Variants in KLRB1 observed in about 807,000 individuals in gnomAD.
The protein encoded by KLRB1 is killer cell lectin-like receptor subfamily B member 1.
KLRB1 carries 27 observed loss-of-function variants against 33.5 expected under a neutral mutation model. The observed-to-expected ratio is 0.81, with a 90% CI of 0.59 to 1.11. KLRB1 has a LOEUF of 1.11. Ranked by LOEUF, KLRB1 falls within the 50% of genes most tolerant of loss-of-function variation. The pLI, the probability that KLRB1 is intolerant of heterozygous loss-of-function variation, is 0.00. For synonymous variants in KLRB1, 64 were observed against 88.9 expected (o/e 0.72, Z 1.58); for missense variants, 241 against 254.1 (o/e 0.95, Z 0.35).
rs1324404187 is a variant in KLRB1, at chr12:9,594,737, G to C, written c.*537C>G. On this transcript the variant is annotated 3_prime_UTR_variant, in exon 6 of 6. Coordinates refer to ENST00000229402, the MANE Select transcript of KLRB1 (RefSeq NM_002258.3). The stretch of plus-strand genomic sequence containing the variant: ...TAGGGGCAATAAATTTTCTAGAGGA[G>C]TCACTAGGAGATATATTGGTTGCGG... The C allele has an allele frequency of 1.3e-5, 2 of 151,216 alleles. No individual in the cohort carries two copies. Among genetic ancestry groups the C allele is most frequent in the East Asian group, 3.9e-4 (2 of 5,192 alleles). The allele number at this position is 151,216 out of a possible 1,614,324, so 9.4% of individuals were successfully genotyped here. A position where few individuals can be genotyped will look rare whatever the true frequency, so the allele number is the denominator to read the frequency against.
intron 3 of KLRB1, among the ~76,000 whole-genome samples, chr12:9,598,908 C>A (rs780273994): frequency 1.3e-5 from 2 of 152,240 alleles, no homozygotes; most frequent in South Asian, 4.1e-4. Flanking sequence ...AAAACACCAT[C>A]AGAATAATTT....
At chr12:9,607,335 C>CCTTCCTTCCTTTCTTTCTTT (rs1864621978) in intron 1 of KLRB1, among the ~76,000 whole-genome samples, 3 of 65,170 alleles carry the variant, frequency 4.6e-5, no homozygotes, top group East Asian at 6.3e-4. Flanking sequence ...CTCTTTCTTT[C>CCTTCCTTCCTTTCTTTCTTT]CTTTCTTTCT....
Position 9,598,648 on chromosome 12 carries a change from G to T in KLRB1, c.265C>A (p.Pro89Thr), listed in dbSNP as rs767444532. ...TATATTGGGCAGTTTAAGAGACCCGGTCTCTCTAAAGTAAAAAACAGAAAT... is the reference window on the plus strand; with the variant it reads ...TATATTGGGCAGTTTAAGAGACCCGTTCTCTCTAAAGTAAAAAACAGAAAT... ...QQSRNKTTER[P>T]GLLNCPIYWQ... Residue 89 changes from proline (P) to threonine (T), a missense_variant, in exon 4 of 6, where the codon CCG becomes ACG. Pro to Thr is a conservative substitution (Grantham distance 38). Transcript: ENST00000229402. The T allele has an allele frequency of 1.9e-6, 3 of 1,607,186 alleles. No homozygotes were observed. The highest frequency in any genetic ancestry group is 2.5e-6 in the Non-Finnish European group (3 of 1,176,836).
At chr12:9,606,663 TAA>T (rs1414131200) in intron 1 of KLRB1, among the ~76,000 whole-genome samples, 1 of 93,614 alleles carries the variant, frequency 1.1e-5, no homozygotes, top group African/African-American at 7.0e-5. Context: ...TATATATATA[TAA>T]AATATATAAA....
At position 9,599,171 on chromosome 12, in the gene KLRB1, A is replaced by G. The variant is rs1020831481; in HGVS notation, c.260-518T>C. ...GAGAAAAAATTATAAGAAAATTTCC[A>G]ATTGCTAAACGATGTATTTACCTAC... On this transcript the variant is annotated intron_variant, in intron 3 of 5. Transcript: ENST00000229402. Among the ~76,000 whole-genome samples the G allele has an allele frequency of 1.2e-4, 19 of 152,228 alleles. 1 individual carries two copies. The highest frequency in any genetic ancestry group is 4.6e-4 in the African/African-American group (19 of 41,468).
rs1366564460 is a variant in KLRB1 at position 9,595,380 on chromosome 12, GA to G, written c.571del (p.Ser191ProfsTer24). 1 of 1,613,028 alleles carries G rather than the reference GA, an allele frequency of 6.2e-7. No individual in the cohort carries two copies. The highest frequency in any genetic ancestry group is 1.7e-5 in the Admixed American group (1 of 59,980). ...AGAATACACAGATGTCTGTGAGATG[GA>G]AATACAGCTGTTTTCTTTAGCATCA... ...RGDAKENSCISISQTSVYSEY... is the reference protein window; with the variant it reads ...RGDAKENSCIXISQTSVYSEY... On this transcript the variant is annotated frameshift_variant, in exon 6 of 6. Coordinates refer to ENST00000229402, the MANE Select transcript of KLRB1 (RefSeq NM_002258.3). LOFTEE classifies it high-confidence loss of function.
At chr12:9,607,343 T>TTC (rs1565444564) in intron 1 of KLRB1, among the ~76,000 whole-genome samples, 7 of 68,064 alleles carry the variant, frequency 1.0e-4, no homozygotes, top group South Asian at 6.4e-4. Context: ...TTCCTTTCTT[T>TTC]CTTTCTTTCT....
intron 1 of KLRB1, among the ~76,000 whole-genome samples, chr12:9,603,862 A>C (rs1260453923): frequency 6.6e-6 from 1 of 152,224 alleles, no homozygotes; most frequent in African/African-American, 2.4e-5. Context: ...TTCAACCTTC[A>C]TAACCCACAG....
chr12:9,607,813 C>T lies in KLRB1; in HGVS notation c.27G>A (p.Glu9=), dbSNP rs1864641523. The change falls in exon 1 of 6, where the codon GAG becomes GAA. Residue 9 remains glutamate, a synonymous_variant. Transcript: ENST00000229402. MDQQAIYA[E]LNLPTDSGPE... ...GGCCTGAGTCTGTGGGTAAGTTTAA[C>T]TCAGCATATATTGCTTGTTGGTCCA... 3.1e-6 allele frequency: 5 copies of T among 1,613,644 alleles called. No individual in the cohort carries two copies. The highest frequency in any genetic ancestry group is 4.2e-6 in the Non-Finnish European group (5 of 1,179,646).
exon 1 of KLRB1, chr12:9,607,915 GGA>G (rs1864643512): frequency 9.9e-7 from 1 of 1,009,790 alleles, no homozygotes; most frequent in South Asian, 1.3e-5. Flanking sequence ...ATCAGCAAAA[GGA>G]AGCTTTCTGC....
In KLRB1 at chr12:9,598,566, T is replaced by C. The variant is rs1259650006; in HGVS notation, c.347A>G (p.Asn116Ser). Residue 116 changes from asparagine to serine, a missense_variant, in exon 4 of 6, where the codon AAT becomes AGT. Transcript: ENST00000229402. Reference sequence around the variant, plus strand: ...GGTGGAACAATCAGCTAGACTGTTATTCCAAGGGTTGACAGTGTGAGAAAA... The same window carrying C: ...GGTGGAACAATCAGCTAGACTGTTACTCCAAGGGTTGACAGTGTGAGAAAA... ...LLFSHTVNPW[N>S]NSLADCSTKE... is the part of the protein sequence containing the mutation. 3 of 1,613,158 alleles carry C rather than the reference T, an allele frequency of 1.9e-6. No individual in the cohort carries two copies. The highest frequency in any genetic ancestry group is 1.7e-5 in the Admixed American group (1 of 60,000).
intron 1 of KLRB1, chr12:9,606,540 A>G (rs1426474374): frequency 6.6e-6 from 1 of 151,518 alleles, no homozygotes; most frequent in Non-Finnish European, 1.5e-5. Context: ...ACTAGAAACT[A>G]TCAGGTAGTA....
intron 3 of KLRB1, 84 bp downstream of exon 3, chr12:9,599,683 T>C: frequency 1.2e-6 from 1 of 847,858 alleles, no homozygotes; most frequent in Non-Finnish European, 2.0e-6. Context: ...AACATATGGA[T>C]TGTTATGAAT....
At chr12:9,600,181 C>T (rs1241136344) in intron 2 of KLRB1, among the ~76,000 whole-genome samples, 2 of 152,056 alleles carry the variant, frequency 1.3e-5, no homozygotes, top group African/African-American at 4.8e-5. Context: ...GTGCCTGTTC[C>T]AAGGGAGAGA....
At chr12:9,606,225 A>T (rs1473871959) in intron 1 of KLRB1, 2 of 152,226 alleles carry the variant, frequency 1.3e-5, no homozygotes, top group Non-Finnish European at 2.9e-5. Flanking sequence ...TGAATATCAG[A>T]TTGGTAAACA....
chr12:9,603,404 A>G (rs1864564986), intron 1 of KLRB1, among the ~76,000 whole-genome samples: 1 of 151,594 alleles, frequency 6.6e-6, no homozygotes, highest in African/African-American at 2.4e-5. Context: ...TATAGTCACT[A>G]TTTTAAGTGT....
rs1864608630 is a variant in KLRB1 at position 9,606,752 on chromosome 12, ATATATATATT to A, written c.85+993_85+1002del. The stretch of plus-strand genomic sequence containing the variant: ...ATAAAAAGTATATATATATATATAT[ATATATATATT>A]TTTTTTTTTTTTTTGAGATAGTCTT... On this transcript the variant is annotated intron_variant, in intron 1 of 5. Coordinates refer to ENST00000229402, the MANE Select transcript of KLRB1 (RefSeq NM_002258.3). 1.7e-4 allele frequency among the ~76,000 whole-genome samples: 5 copies of A among 29,918 alleles called. 1 individual carries two copies. Among genetic ancestry groups the A allele is most frequent in the Non-Finnish European group, 2.4e-4 (4 of 16,856 alleles). 19.6% of individuals were successfully genotyped at this position (29,918 alleles called of 152,430 possible). A position where few individuals can be genotyped will look rare whatever the true frequency, so the allele number is the denominator to read the frequency against.
Position 9,595,378 on chromosome 12 carries a change from T to C in KLRB1, c.574A>G (p.Ile192Val). Residue 192 changes from isoleucine to valine, a missense_variant, in exon 6 of 6, where the codon ATC (isoleucine) becomes GTC (valine). Ile to Val is a conservative substitution (Grantham distance 29). Coordinates refer to ENST00000229402, the MANE Select transcript of KLRB1 (RefSeq NM_002258.3). ...GDAKENSCIS[I>V]SQTSVYSEYC... The stretch of plus-strand genomic sequence containing the variant: ...TCAGAATACACAGATGTCTGTGAGA[T>C]GGAAATACAGCTGTTTTCTTTAGCA... The C allele has an allele frequency of 6.2e-7, 1 of 1,613,320 alleles. No homozygotes were observed. Among genetic ancestry groups the C allele is most frequent in the Non-Finnish European group, 8.5e-7 (1 of 1,179,542 alleles).
intron 2 of KLRB1, 52 bp downstream of exon 2, chr12:9,601,449 C>G (rs377260823): frequency 7.4e-7 from 1 of 1,346,646 alleles, no homozygotes; most frequent in Non-Finnish European, 1.1e-6. Context: ...CTCTAAGATA[C>G]GTAATGGAAG....
Sources: gnomAD v4.1 joint callset for allele counts (sites outside exome capture counted in the v4.1 genomes callset) on GRCh38, gnomAD v4.1.1 for gene constraint, MANE v1.5 for transcripts, NCBI Gene and HGNC (gene_info 2026-07-23, HGNC 2026-07-21) for gene names.